The following ACADM variants were observed in gnomAD, a reference collection of about 807,000 sequenced individuals.
ACADM encodes medium-chain specific acyl-CoA dehydrogenase, mitochondrial.
A neutral mutation model predicts 58.9 loss-of-function variants in ACADM; 49 were observed. The observed-to-expected ratio is 0.83, with a 90% CI of 0.66 to 1.06. ACADM has a LOEUF of 1.06. ACADM is among the 50% of genes least tolerant of loss of function. The pLI is 0.00. For synonymous variants in ACADM, 160 were observed against 157.7 expected (o/e 1.01, Z -0.11); for missense variants, 496 against 507.0 (o/e 0.98, Z 0.21).
chr1:75,735,939 C>T (rs560458216), intron 6 of ACADM, among the ~76,000 whole-genome samples: 12 of 151,564 alleles, frequency 7.9e-5, no homozygotes, highest in Non-Finnish European at 1.8e-4. Flanking sequence ...TGCTTGAGCC[C>T]GGGAGTTCAA....
At chr1:75,724,867 TGTC>T in intron 1 of ACADM, 50 bp downstream of exon 1, 1 of 1,395,136 alleles carries the variant, frequency 7.2e-7, no homozygotes, top group Non-Finnish European at 9.4e-7. Context: ...GGTATTGTGG[TGTC>T]GGAGCAGGGG....
Position 75,761,379 on chromosome 1 carries a change from A to G in ACADM, c.1194+9A>G, listed in dbSNP as rs1570910495. 2.5e-6 allele frequency: 4 copies of G among 1,613,530 alleles called. No homozygotes were observed. Among genetic ancestry groups the G allele is most frequent in the African/African-American group, 1.3e-5 (1 of 74,948 alleles). On this transcript the variant is annotated intron_variant, in intron 11 of 11. Transcript: ENST00000370841. ...ATGCCAAAATCTATCAGGTAAGGTT[A>G]AAGATGATTTTTTTGGTTTGCAAGG...
chr1:75,762,303 A>G (rs980415732), intron 11 of ACADM, among the ~76,000 whole-genome samples: 2 of 151,980 alleles, frequency 1.3e-5, no homozygotes, highest in Non-Finnish European at 2.9e-5. Context: ...GGGAGAAAAA[A>G]AAAAAATTAA....
intron 8 of ACADM, among the ~76,000 whole-genome samples, chr1:75,747,685 G>T (rs1369052490): frequency 6.6e-6 from 1 of 152,206 alleles, no homozygotes; most frequent in African/African-American, 2.4e-5. Flanking sequence ...TACTTGGAAG[G>T]CTGAAGTGGG....
chr1:75,737,283 T>TATATATATATATA (rs1647309966), intron 6 of ACADM, among the ~76,000 whole-genome samples: 1 of 32,588 alleles, frequency 3.1e-5, no homozygotes, highest in African/African-American at 2.4e-4. Flanking sequence ...CACACAAATA[T>TATATATATATATA]ATATATATAT....
chr1:75,744,072 G>T, intron 7 of ACADM: 1 of 1,587,470 alleles, frequency 6.3e-7, no homozygotes, highest in Non-Finnish European at 8.7e-7. Context: ...TTCAGACGCT[G>T]AGCAATGCAC....
At position 75,732,735 on chromosome 1, in the gene ACADM, T is replaced by G. The variant is rs778891510; in HGVS notation, c.210T>G (p.Thr70=). ...CAGTGGCTGCAGAATATGATAAAAC[T>G]GGTGAAGTAGGTATATACATTTTAA... ...IIPVAAEYDK[T]GEYPVPLIRR... is the part of the protein sequence containing the mutation. The change falls in exon 3 of 12, where the codon ACT becomes ACG. Residue 70 remains threonine, a synonymous_variant. Coordinates refer to ENST00000370841, the MANE Select transcript of ACADM (RefSeq NM_000016.6). 1.0e-4 allele frequency: 165 copies of G among 1,613,312 alleles called. No individual in the cohort carries two copies. The highest frequency in any genetic ancestry group is 1.2e-4 in the Non-Finnish European group (146 of 1,179,354).
chr1:75,749,710 T>TTA, intron 9 of ACADM, 151 bp downstream of exon 9: 5 of 738,464 alleles, frequency 6.8e-6, no homozygotes, highest in East Asian at 2.9e-5. Flanking sequence ...TTACTTTTCT[T>TTA]TCTTTTTTTT....
rs1647091215 is a variant in ACADM, at chr1:75,728,508, T to C, written c.118+20T>C. 1 of 1,561,326 alleles carries C rather than the reference T, an allele frequency of 6.4e-7. No homozygotes were observed. The highest frequency in any genetic ancestry group is 8.8e-7 in the Non-Finnish European group (1 of 1,133,438). ...GTTTTGGTATATGTTCGGTTCTATC[T>C]TTTGACTTTAAACTTATACATATGA... On this transcript the variant is annotated intron_variant, in intron 2 of 11. Coordinates refer to ENST00000370841, the MANE Select transcript of ACADM (RefSeq NM_000016.6).
In ACADM at chr1:75,752,038, G is replaced by A. The variant is rs183299345; in HGVS notation, c.945+1492G>A. Among the ~76,000 whole-genome samples the A allele has an allele frequency of 6.6e-4, 98 of 147,954 alleles. 1 individual carries two copies. Among genetic ancestry groups the A allele is most frequent in the African/African-American group, 2.2e-3 (88 of 39,816 alleles). On this transcript the variant is annotated intron_variant, in intron 10 of 11. Transcript: ENST00000370841. ...GACAGGGTCTTGGTTGCCCAAATGCGAGTGCAATGGTGCAGTCATGGCTTA... is the reference window on the plus strand; with the variant it reads ...GACAGGGTCTTGGTTGCCCAAATGCAAGTGCAATGGTGCAGTCATGGCTTA...
intron 5 of ACADM, among the ~76,000 whole-genome samples, chr1:75,734,180 T>C (rs1311955898): frequency 7.0e-6 from 1 of 143,258 alleles, no homozygotes; most frequent in Non-Finnish European, 1.5e-5. Context: ...TTTTTTTTTT[T>C]TGAGACGGAG....
At chr1:75,736,535 G>A (rs995459238) in intron 6 of ACADM, among the ~76,000 whole-genome samples, 1 of 152,070 alleles carries the variant, frequency 6.6e-6, no homozygotes, top group African/African-American at 2.4e-5. Context: ...TTGTTCTCCT[G>A]TAGCATATAC....
At chr1:75,734,013 T>TC (rs1478563493) in intron 5 of ACADM, among the ~76,000 whole-genome samples, 2 of 152,150 alleles carry the variant, frequency 1.3e-5, no homozygotes, top group Admixed American at 1.3e-4. Context: ...TTCTTTTTTT[T>TC]CTCACTCTGT....
intron 2 of ACADM, among the ~76,000 whole-genome samples, chr1:75,728,962 C>CAAA (rs1647099454): frequency 6.6e-6 from 1 of 151,940 alleles, no homozygotes; most frequent in Non-Finnish European, 1.5e-5. Flanking sequence ...GATTTTTTTT[C>CAAA]CTCTGCCCTC....
At chr1:75,724,922 T>C in intron 1 of ACADM, 105 bp downstream of exon 1, 2 of 1,210,936 alleles carry the variant, frequency 1.7e-6, no homozygotes, top group Non-Finnish European at 2.2e-6. Flanking sequence ...GAGTGGGAAG[T>C]CGGGCTGAGG....
At chr1:75,757,375 C>A (rs1323451960) in intron 10 of ACADM, among the ~76,000 whole-genome samples, 1 of 151,964 alleles carries the variant, frequency 6.6e-6, no homozygotes, top group Non-Finnish European at 1.5e-5. Context: ...AAAAATCAAC[C>A]CTATCAAAAA....
chr1:75,742,924 T>TTCTTCC (rs1299774232), intron 7 of ACADM, among the ~76,000 whole-genome samples: 11 of 119,966 alleles, frequency 9.2e-5, no homozygotes, highest in Admixed American at 7.7e-4. Context: ...GCAGCACCTC[T>TTCTTCC]TTGCCTGTGT....
In ACADM at chr1:75,762,981, C is replaced by T; in HGVS notation, c.*218C>T. On this transcript the variant is annotated 3_prime_UTR_variant, in exon 12 of 12. Coordinates refer to ENST00000370841, the MANE Select transcript of ACADM (RefSeq NM_000016.6). ...AAATGATGTGTTTTCTTTAGTACCA[C>T]TTTACTTGAATTACATTAACCTAGA... 5.2e-6 allele frequency: 2 copies of T among 384,230 alleles called. No individual in the cohort carries two copies. The highest frequency in any genetic ancestry group is 4.0e-5 in the South Asian group (1 of 24,854). The allele number at this position is 384,230 out of a possible 1,614,324, so 23.8% of individuals were successfully genotyped here. A position where few individuals can be genotyped will look rare whatever the true frequency, so the allele number is the denominator to read the frequency against.
Position 75,761,102 on chromosome 1 carries a change from T to G in ACADM, c.946-20T>G. The G allele has an allele frequency of 2.5e-6, 4 of 1,609,040 alleles. No individual in the cohort carries two copies. The highest frequency in any genetic ancestry group is 3.4e-6 in the Non-Finnish European group (4 of 1,177,104). ...GTTTTCTCAATAAATATCCTTTAATTTTTTTCTTTTTAATTCTAGCACCAA... is the reference window on the plus strand; with the variant it reads ...GTTTTCTCAATAAATATCCTTTAATGTTTTTCTTTTTAATTCTAGCACCAA... On this transcript the variant is annotated intron_variant, in intron 10 of 11. Coordinates refer to ENST00000370841, the MANE Select transcript of ACADM (RefSeq NM_000016.6).
Sources: allele counts gnomAD v4.1 joint callset (sites outside exome capture counted in the v4.1 genomes callset), GRCh38; gene constraint gnomAD v4.1.1; transcripts MANE v1.5; gene names NCBI Gene and HGNC (gene_info 2026-07-23, HGNC 2026-07-21).